MEOX2: variants seen among roughly 807,000 people sequenced by gnomAD.
MEOX2 encodes mesenchyme homeobox 2, also known as homeobox protein MOX-2.
Under a neutral mutation model 27.0 loss-of-function variants are expected in MEOX2, and 11 were observed. That is an observed-to-expected ratio of 0.41 (90% confidence interval 0.26 to 0.68). The LOEUF (loss-of-function observed/expected upper bound fraction) is 0.68. Among genes scored for constraint, MEOX2 ranks in the 30% least tolerant of loss-of-function variants. The pLI is 0.33. For missense variants in MEOX2, 436 were observed against 385.4 expected (o/e 1.13, Z -1.10); for synonymous variants, 189 against 155.4 (o/e 1.22, Z -1.61).
At position 15,686,055 on chromosome 7, in the gene MEOX2, C is replaced by T. The variant is rs545808518; in HGVS notation, c.348G>A (p.Gly116=). The T allele has an allele frequency of 1.2e-6, 2 of 1,602,368 alleles. No homozygotes were observed. Among genetic ancestry groups the T allele is most frequent in the Non-Finnish European group, 1.7e-6 (2 of 1,177,096 alleles). ...GCGGGCTGCTCCCCAACTCTGGGGG[C>T]CCTCCAGAGTCGGGCTGGAGGCAGA... is the stretch of plus-strand genomic sequence containing the variant. ...HSLCLQPDSG[G]PPELGSSPPV... Residue 116 remains glycine, a synonymous_variant, in exon 1 of 3, where the codon GGG becomes GGA. Transcript: ENST00000262041.
chr7:15,667,523 G>A (rs530152442), intron 1 of MEOX2, among the ~76,000 whole-genome samples: 33 of 152,000 alleles, frequency 2.2e-4, no homozygotes, highest in Non-Finnish European at 4.3e-4. Context: ...TGTACCCAAA[G>A]CGTAGGGCCA....
chr7:15,684,146 G>C, intron 1 of MEOX2, among the ~76,000 whole-genome samples: 1 of 152,154 alleles, frequency 6.6e-6, no homozygotes. Context: ...CAATGGCTCA[G>C]TTCAGGAAGC....
At chr7:15,655,020 T>A (rs6956977) in intron 1 of MEOX2, among the ~76,000 whole-genome samples, 3,402 of 151,580 alleles carry the variant, frequency 0.022, 113 homozygotes, top group African/African-American at 0.072. Context: ...CTGTATATAT[T>A]TTTTTTGACA....
chr7:15,670,771 GT>G (rs1366831309), intron 1 of MEOX2, among the ~76,000 whole-genome samples: 2 of 152,116 alleles, frequency 1.3e-5, no homozygotes, highest in Non-Finnish European at 1.5e-5. Context: ...TGTAATATTT[GT>G]TGAGCAACCC....
intron 1 of MEOX2, among the ~76,000 whole-genome samples, chr7:15,667,077 G>A (rs930771392): frequency 6.6e-6 from 1 of 150,786 alleles, no homozygotes; most frequent in African/African-American, 2.4e-5. Context: ...AGATCACAAA[G>A]TCAAGAGATC....
At chr7:15,664,580 A>G (rs1347492859) in intron 1 of MEOX2, among the ~76,000 whole-genome samples, 1 of 152,198 alleles carries the variant, frequency 6.6e-6, no homozygotes, top group African/African-American at 2.4e-5. Context: ...ATCAACTACC[A>G]TTTGATTTAA....
intron 2 of MEOX2, among the ~76,000 whole-genome samples, chr7:15,622,201 G>A (rs567904863): frequency 6.6e-6 from 1 of 152,258 alleles, no homozygotes; most frequent in African/African-American, 2.4e-5. Context: ...TTCTTTTGAT[G>A]TAGATAGATA....
chr7:15,648,662 C>G (rs1260086347), intron 1 of MEOX2, among the ~76,000 whole-genome samples: 1 of 151,962 alleles, frequency 6.6e-6, no homozygotes, highest in Non-Finnish European at 1.5e-5. Flanking sequence ...GACTGAGGTT[C>G]CAGAACTGAA....
intron 1 of MEOX2, among the ~76,000 whole-genome samples, chr7:15,644,889 G>C (rs1781618406): frequency 6.6e-6 from 1 of 152,058 alleles, no homozygotes; most frequent in South Asian, 2.1e-4. Flanking sequence ...ACTTCAAGAG[G>C]GTTACAAACT....
intron 1 of MEOX2, among the ~76,000 whole-genome samples, chr7:15,632,097 A>T (rs1781414193): frequency 6.6e-6 from 1 of 151,846 alleles, no homozygotes; most frequent in Non-Finnish European, 1.5e-5. Flanking sequence ...CATACCTTAG[A>T]TGTAGACGTT....
At chr7:15,639,287 T>TA (rs1338088002) in intron 1 of MEOX2, among the ~76,000 whole-genome samples, 1 of 152,182 alleles carries the variant, frequency 6.6e-6, no homozygotes, top group Non-Finnish European at 1.5e-5. Flanking sequence ...TTTTGAGAAG[T>TA]ATGTGTTCAT....
intron 1 of MEOX2, among the ~76,000 whole-genome samples, chr7:15,632,595 T>A (rs974775060): frequency 2.0e-5 from 3 of 151,882 alleles, no homozygotes; most frequent in African/African-American, 7.2e-5. Context: ...AAACAAAGTA[T>A]TTTTGTTAAA....
intron 1 of MEOX2, among the ~76,000 whole-genome samples, chr7:15,635,152 C>T (rs1749856542): frequency 6.6e-6 from 1 of 151,940 alleles, no homozygotes; most frequent in Non-Finnish European, 1.5e-5. Flanking sequence ...CACCTGCTCT[C>T]TACCTGAGAA....
chr7:15,632,384 T>C (rs1249872792), intron 1 of MEOX2, among the ~76,000 whole-genome samples: 1 of 151,862 alleles, frequency 6.6e-6, no homozygotes. Context: ...GATTTTAATG[T>C]GTCATTTTGT....
intron 1 of MEOX2, among the ~76,000 whole-genome samples, chr7:15,639,380 C>G (rs1190359549): frequency 6.6e-6 from 1 of 151,852 alleles, no homozygotes; most frequent in Non-Finnish European, 1.5e-5. Flanking sequence ...GGATATTAGT[C>G]TTTTGTTGGA....
At chr7:15,670,539 T>G (rs1256696222) in intron 1 of MEOX2, among the ~76,000 whole-genome samples, 1 of 152,250 alleles carries the variant, frequency 6.6e-6, no homozygotes, top group Non-Finnish European at 1.5e-5. Flanking sequence ...GAAAATGTTC[T>G]ATATTTGTGC....
At chr7:15,680,155 C>A (rs1782269588) in intron 1 of MEOX2, 1 of 151,730 alleles carries the variant, frequency 6.6e-6, no homozygotes, top group African/African-American at 2.4e-5. Flanking sequence ...ATACACTTAC[C>A]ATGTAACTTT....
chr7:15,663,614 C>T (rs1262210421), intron 1 of MEOX2, among the ~76,000 whole-genome samples: 2 of 152,134 alleles, frequency 1.3e-5, no homozygotes, highest in Non-Finnish European at 2.9e-5. Flanking sequence ...GCTGGGATTA[C>T]AGGCGTGAGC....
chr7:15,621,747 C>A (rs1311364872), intron 2 of MEOX2, among the ~76,000 whole-genome samples: 1 of 152,110 alleles, frequency 6.6e-6, no homozygotes, highest in East Asian at 1.9e-4. Context: ...TGTACAATTT[C>A]CACATGACAA....
Sources: gnomAD v4.1 joint callset for allele counts (sites outside exome capture counted in the v4.1 genomes callset) on GRCh38, gnomAD v4.1.1 for gene constraint, MANE v1.5 for transcripts, NCBI Gene and HGNC (gene_info 2026-07-23, HGNC 2026-07-21) for gene names.